IQSEC1: variants seen among roughly 807,000 people sequenced by gnomAD.
IQSEC1 encodes IQ motif and SEC7 domain-containing protein 1.
Under a neutral mutation model 91.0 loss-of-function variants are expected in IQSEC1, and 31 were observed. The observed-to-expected ratio is 0.34, with a 90% CI of 0.26 to 0.46. The LOEUF is 0.46. Ranked by LOEUF, IQSEC1 falls within the 20% of genes least tolerant of loss-of-function variation. The pLI, the probability that IQSEC1 is intolerant of heterozygous loss-of-function variation, is 1.00. For missense variants in IQSEC1, 1,388 were observed against 1,575.6 expected, an observed-to-expected ratio of 0.88 and a Z score of 2.02; for synonymous variants, 699 against 662.6, an observed-to-expected ratio of 1.05 and a Z score of -0.84.
chr3:13,182,001 T>TTA (rs1260864852), intron 1 of IQSEC1, among the ~76,000 whole-genome samples: 4 of 152,148 alleles, frequency 2.6e-5, no homozygotes, highest in African/African-American at 9.7e-5. Flanking sequence ...CAATAAACAT[T>TTA]TATATGTTTA....
chr3:13,110,843 A>G (rs1706233423), intron 2 of IQSEC1, among the ~76,000 whole-genome samples: 1 of 152,164 alleles, frequency 6.6e-6, no homozygotes, highest in Admixed American at 6.5e-5. Context: ...CGGGACACCA[A>G]TTAAAGGGCC....
rs1694357197 is a variant in IQSEC1, at chr3:13,207,028, C to T, written c.273-42895G>A. On this transcript the variant is annotated intron_variant, in intron 1 of 15. Coordinates refer to the IQSEC1 transcript ENST00000648114. The surrounding 1 kb of genome is among the most constrained non-coding windows in gnomAD (Gnocchi z 4.8). ...TAGCCACACCTGGACTGGTCATTTCCCATCTCTAGCATATTAGCCAGGACA... is the reference window on the plus strand; with the variant it reads ...TAGCCACACCTGGACTGGTCATTTCTCATCTCTAGCATATTAGCCAGGACA... Among the ~76,000 whole-genome samples, 2 of 152,070 alleles carry T rather than the reference C, an allele frequency of 1.3e-5. No individual in the cohort carries two copies. Among genetic ancestry groups the T allele is most frequent in the South Asian group, 4.2e-4 (2 of 4,816 alleles).
At chr3:13,190,314 G>A (rs1192938355) in intron 1 of IQSEC1, among the ~76,000 whole-genome samples, 2 of 152,176 alleles carry the variant, frequency 1.3e-5, no homozygotes. Context: ...GCTCACGCCC[G>A]AAATCCCAAC....
chr3:12,901,385 A>C lies in IQSEC1; in HGVS notation c.2943T>G (p.Pro981=). The C allele has an allele frequency of 6.5e-7, 1 of 1,541,000 alleles. No individual in the cohort carries two copies. Among genetic ancestry groups the C allele is most frequent in the Non-Finnish European group, 8.7e-7 (1 of 1,144,748 alleles). The change falls in exon 14 of 14, where the codon CCT becomes CCG. Residue 981 remains proline (P), a synonymous_variant. Transcript: ENST00000613206. ...SLFGSKRGKP[P]PQAHLPSAPA... is the part of the protein sequence containing the mutation. ...GGGCTGAGGGCAGGTGGGCCTGGGG[A>C]GGGGGCTTCCCTCTCTTGCTCCCGA...
intron 2 of IQSEC1, among the ~76,000 whole-genome samples, chr3:13,117,317 T>C (rs1576257756): frequency 6.8e-6 from 1 of 147,504 alleles, no homozygotes; most frequent in Non-Finnish European, 1.5e-5. Flanking sequence ...CCAGATGCAG[T>C]GGCTCACGAC....
intron 1 of IQSEC1, among the ~76,000 whole-genome samples, chr3:13,058,408 C>A (rs915601766): frequency 1.1e-4 from 17 of 152,236 alleles, no homozygotes; most frequent in African/African-American, 3.9e-4. Flanking sequence ...GTGCTGAGTG[C>A]CACTGTGTGC....
Position 13,196,749 on chromosome 3 carries a change from CGTGTGTGTGTGTGT to C in IQSEC1, c.273-32630_273-32617del, listed in dbSNP as rs5846802. ...GTGCGTGTGTATGTACATGTGTGTG[CGTGTGTGTGTGTGT>C]GTGTGTGTGTGTGTGTGTGTGTGTG... On this transcript the variant is annotated intron_variant, in intron 1 of 15. Coordinates refer to the IQSEC1 transcript ENST00000648114. Among the ~76,000 whole-genome samples, 403 of 148,462 alleles carry C rather than the reference CGTGTGTGTGTGTGT, an allele frequency of 2.7e-3. 2 individuals carry two copies. The highest frequency in any genetic ancestry group is 8.2e-3 in the African/African-American group (332 of 40,656).
chr3:13,195,565 C>G (rs796967493), intron 1 of IQSEC1, among the ~76,000 whole-genome samples: 1 of 152,182 alleles, frequency 6.6e-6, no homozygotes, highest in East Asian at 1.9e-4. Context: ...TGGATACACA[C>G]GACAGCTTGG....
chr3:13,135,042 G>A (rs909530892), intron 2 of IQSEC1, among the ~76,000 whole-genome samples: 1 of 152,236 alleles, frequency 6.6e-6, no homozygotes, highest in African/African-American at 2.4e-5. Context: ...ACTGCGTCGT[G>A]TTGTGGTAAG....
intron 1 of IQSEC1, among the ~76,000 whole-genome samples, chr3:13,228,318 G>T (rs1408869450): frequency 1.3e-5 from 2 of 152,240 alleles, no homozygotes; most frequent in Admixed American, 6.5e-5. Context: ...CGGAAACAAA[G>T]GAGCAGGGGA....
chr3:12,962,079 G>A (rs1700273553), intron 1 of IQSEC1, among the ~76,000 whole-genome samples: 1 of 152,248 alleles, frequency 6.6e-6, no homozygotes, highest in South Asian at 2.1e-4. Flanking sequence ...GGGATGGGAT[G>A]AGATGGGTGA....
At chr3:13,088,216 C>T (rs552792064) in intron 2 of IQSEC1, among the ~76,000 whole-genome samples, 25 of 152,338 alleles carry the variant, frequency 1.6e-4, no homozygotes, top group African/African-American at 5.1e-4. Flanking sequence ...AGCAGGGCAG[C>T]GTGCTAACGC....
At position 12,940,472 on chromosome 3, in the gene IQSEC1, C is replaced by T. The variant is rs532960259; in HGVS notation, c.318+1099G>A. 3.7e-4 allele frequency among the ~76,000 whole-genome samples: 55 copies of T among 148,486 alleles called. No individual in the cohort carries two copies. The highest frequency in any genetic ancestry group is 1.2e-3 in the African/African-American group (51 of 40,870). On this transcript the variant is annotated intron_variant, in intron 2 of 13. Transcript: ENST00000613206. The surrounding 1 kb of genome is among the most constrained non-coding windows in gnomAD (Gnocchi z 4.4). ...GGAAGATCTGGGAGCAAGCAGAGGG[C>T]GGGCGGGGCCACAGGATGGGTGTGG...
At position 13,147,503 on chromosome 3, in the gene IQSEC1, C is replaced by T. The variant is rs116824394; in HGVS notation, c.302+16601G>A. On this transcript the variant is annotated intron_variant, in intron 2 of 15. Transcript: ENST00000648114. ...GCTGCAAAAAGACATTATGTCATTC[C>T]TTTTTATGGCTGAGTAGTATTCCAT... Among the ~76,000 whole-genome samples the T allele has an allele frequency of 5.1e-3, 769 of 152,266 alleles. 9 individuals carry two copies. The highest frequency in any genetic ancestry group is 0.018 in the African/African-American group (736 of 41,552).
intron 2 of IQSEC1, among the ~76,000 whole-genome samples, chr3:13,095,531 G>A (rs1309213228): frequency 6.6e-6 from 1 of 152,076 alleles, no homozygotes; most frequent in African/African-American, 2.4e-5. Context: ...CTCAGAGGCC[G>A]AGTTGCTTCC....
intron 1 of IQSEC1, among the ~76,000 whole-genome samples, chr3:12,946,871 G>A (rs1166328696): frequency 6.6e-6 from 1 of 152,212 alleles, no homozygotes; most frequent in African/African-American, 2.4e-5. Context: ...TGAGGGCAGG[G>A]ACAGCAGACC....
At chr3:13,071,143 G>GTTTTTTTTTT (rs1553563495) in intron 1 of IQSEC1, among the ~76,000 whole-genome samples, 5 of 112,712 alleles carry the variant, frequency 4.4e-5, no homozygotes, top group South Asian at 3.1e-4. Flanking sequence ...GACCCACACA[G>GTTTTTTTTTT]TTTTTTTTTG....
At position 13,019,887 on chromosome 3, in the gene IQSEC1, C is replaced by T. The variant is rs565347474; in HGVS notation, c.23+53105G>A. Among the ~76,000 whole-genome samples, 97 of 152,308 alleles carry T rather than the reference C, an allele frequency of 6.4e-4. No homozygotes were observed. The South Asian group carries it at 0.015, about 24-fold the overall frequency. ...CCCGTAAGGCCCCGCCCCACAGCCC[C>T]GTCAGGTGGCCGTGCCATTCAATGA... On this transcript the variant is annotated intron_variant, in intron 1 of 13. Transcript: ENST00000613206.
intron 1 of IQSEC1, among the ~76,000 whole-genome samples, chr3:12,968,093 G>T (rs1252630790): frequency 2.0e-5 from 3 of 152,194 alleles, no homozygotes; most frequent in Non-Finnish European, 2.9e-5. Flanking sequence ...CCTCTCCAGC[G>T]TGTAACCACA....
Sources: gnomAD v4.1 joint callset for allele counts (sites outside exome capture counted in the v4.1 genomes callset) on GRCh38, gnomAD v4.1.1 for gene constraint, Gnocchi (gnomAD v3.1) non-coding constraint, MANE v1.5 for transcripts, NCBI Gene and HGNC (gene_info 2026-07-23, HGNC 2026-07-21) for gene names.